Variants in DNER observed in about 807,000 individuals in gnomAD.
DNER encodes delta and Notch-like epidermal growth factor-related receptor.
Under a neutral mutation model 78.2 loss-of-function variants are expected in DNER, and 33 were observed. The ratio of observed to expected loss-of-function variants is 0.42; its 90% CI spans 0.32 to 0.56. The LOEUF (loss-of-function observed/expected upper bound fraction) is 0.56, where lower values mean the gene tolerates loss of function less well. DNER is among the 20% of genes least tolerant of loss of function. The pLI is 0.11. For missense variants in DNER, 918 were observed against 975.3 expected (o/e 0.94, Z 0.78); for synonymous variants, 417 against 384.8 (o/e 1.08, Z -0.98).
intron 1 of DNER, among the ~76,000 whole-genome samples, chr2:229,673,904 G>A (rs893589123): frequency 2.6e-5 from 4 of 152,236 alleles, no homozygotes; most frequent in African/African-American, 9.6e-5. Flanking sequence ...TGCTAGATGG[G>A]TTTGGCCAAC....
chr2:229,606,857 G>A (rs1027804874), intron 1 of DNER, among the ~76,000 whole-genome samples: 1 of 152,068 alleles, frequency 6.6e-6, no homozygotes, highest in Non-Finnish European at 1.5e-5. Flanking sequence ...GGTGCTATTT[G>A]CACTCCATCC....
In DNER at chr2:229,547,105, G is replaced by A. The variant is rs1365210654; in HGVS notation, c.848-13C>T. 1 of 1,613,554 alleles carries A rather than the reference G, an allele frequency of 6.2e-7. No individual in the cohort carries two copies. The highest frequency in any genetic ancestry group is 1.3e-5 in the African/African-American group (1 of 75,036). On this transcript the variant is annotated splice_polypyrimidine_tract_variant and intron_variant, in intron 4 of 12. Coordinates refer to ENST00000341772, the MANE Select transcript of DNER (RefSeq NM_139072.4). ...TCATTCACAAAACCTAAAAGAAAAT[G>A]AGGCAAAAGGAAATTGTCAAGTGTC... is the stretch of plus-strand genomic sequence containing the variant.
intron 8 of DNER, among the ~76,000 whole-genome samples, chr2:229,423,172 C>T (rs868399719): frequency 5.9e-5 from 9 of 152,000 alleles, no homozygotes; most frequent in Non-Finnish European, 5.9e-5. Flanking sequence ...ATTGCAATGC[C>T]CTGGATATTC....
chr2:229,484,372 A>C (rs750888465), intron 6 of DNER, among the ~76,000 whole-genome samples: 3 of 152,204 alleles, frequency 2.0e-5, no homozygotes, highest in African/African-American at 7.2e-5. Context: ...GCAATGAGCA[A>C]CTGTCCTGCT....
chr2:229,446,558 T>C (rs1476312821), intron 8 of DNER, among the ~76,000 whole-genome samples: 3 of 152,142 alleles, frequency 2.0e-5, no homozygotes, highest in Non-Finnish European at 4.4e-5. Flanking sequence ...TTCATTGTGC[T>C]GGGAAGCTTT....
intron 9 of DNER, among the ~76,000 whole-genome samples, chr2:229,408,074 C>T (rs1332902263): frequency 1.3e-5 from 2 of 152,048 alleles, no homozygotes; most frequent in Non-Finnish European, 1.5e-5. Flanking sequence ...CTCTATGGAG[C>T]TCAGCACTCG....
chr2:229,388,714 A>G (rs2106336316), intron 10 of DNER, among the ~76,000 whole-genome samples: 1 of 144,408 alleles, frequency 6.9e-6, no homozygotes, highest in East Asian at 2.0e-4. Context: ...TAGCTAGTTA[A>G]GTGAGGTTGA....
chr2:229,547,280 A>G (rs2154213225), intron 4 of DNER, among the ~76,000 whole-genome samples, 188 bp from the exon 5 acceptor site: 1 of 152,304 alleles, frequency 6.6e-6, no homozygotes, highest in South Asian at 2.1e-4. Context: ...AGACCTCAGG[A>G]CTTTAGGGCA....
chr2:229,675,694 T>C (rs1019823580), intron 1 of DNER, among the ~76,000 whole-genome samples: 7 of 152,170 alleles, frequency 4.6e-5, no homozygotes, highest in Non-Finnish European at 7.3e-5. Context: ...ACCCACAGGC[T>C]CCCGTTCTGG....
intron 8 of DNER, among the ~76,000 whole-genome samples, chr2:229,446,074 G>A (rs1336478369): frequency 6.6e-6 from 1 of 152,174 alleles, no homozygotes; most frequent in Non-Finnish European, 1.5e-5. Flanking sequence ...AGGGACACCG[G>A]CATTCGAATC....
At chr2:229,543,976 A>G (rs936722770) in intron 5 of DNER, among the ~76,000 whole-genome samples, 4 of 152,244 alleles carry the variant, frequency 2.6e-5, no homozygotes, top group Admixed American at 2.6e-4. Flanking sequence ...ATCTCTAATC[A>G]GAAAATTCAC....
At chr2:229,546,838 T>TAGATAGATAGATAGAG (rs1696637813) in intron 5 of DNER, 109 bp downstream of exon 5, 1 of 1,425,616 alleles carries the variant, frequency 7.0e-7, no homozygotes, top group Admixed American at 1.8e-5. Flanking sequence ...GACAGATAGA[T>TAGATAGATAGATAGAG]AGATAGAGCA....
intron 1 of DNER, among the ~76,000 whole-genome samples, chr2:229,644,987 A>C (rs1698689616): frequency 6.6e-6 from 1 of 152,036 alleles, no homozygotes; most frequent in Admixed American, 6.5e-5. Flanking sequence ...ATCCAAGTTG[A>C]AGAAGCCATG....
At chr2:229,448,735 C>T (rs1694392423) in intron 7 of DNER, among the ~76,000 whole-genome samples, 1 of 152,148 alleles carries the variant, frequency 6.6e-6, no homozygotes, top group Non-Finnish European at 1.5e-5. Context: ...TTCCATAAAA[C>T]TATACTTCTT....
chr2:229,410,384 C>T (rs1238698795), intron 9 of DNER, among the ~76,000 whole-genome samples: 2 of 152,178 alleles, frequency 1.3e-5, no homozygotes, highest in Non-Finnish European at 2.9e-5. Flanking sequence ...GACCTAACAC[C>T]GGAATCCTAT....
At chr2:229,711,445 GT>G (rs1574580577) in intron 1 of DNER, among the ~76,000 whole-genome samples, 1 of 152,148 alleles carries the variant, frequency 6.6e-6, no homozygotes, top group East Asian at 1.9e-4. Flanking sequence ...AATCCTAGGA[GT>G]TTCCATGACT....
At chr2:229,705,252 G>C (rs531942639) in intron 1 of DNER, among the ~76,000 whole-genome samples, 6 of 152,126 alleles carry the variant, frequency 3.9e-5, no homozygotes, top group Middle Eastern at 3.2e-3. Flanking sequence ...AATTACAAAT[G>C]CTCCTTTATA....
Position 229,423,900 on chromosome 2 carries a change from T to G in DNER, c.1487-5670A>C, listed in dbSNP as rs149842567. Among the ~76,000 whole-genome samples, 1,316 of 152,348 alleles carry G rather than the reference T, an allele frequency of 8.6e-3. 12 individuals carry two copies. Among genetic ancestry groups the G allele is most frequent in the African/African-American group, 0.03 (1,246 of 41,584 alleles). On this transcript the variant is annotated intron_variant, in intron 8 of 12. Coordinates refer to ENST00000341772, the MANE Select transcript of DNER (RefSeq NM_139072.4). The stretch of plus-strand genomic sequence containing the variant: ...TGATTTCCATCGTAGCATTTGTAAC[T>G]GTCTGAAATCCTATTTTTATCATAG...
intron 8 of DNER, among the ~76,000 whole-genome samples, chr2:229,418,819 G>A (rs546839059): frequency 6.6e-6 from 1 of 152,168 alleles, no homozygotes; most frequent in East Asian, 1.9e-4. Context: ...TACTCAGTAG[G>A]CTGAGGCAGG....
Sources: gnomAD v4.1 joint callset for allele counts (sites outside exome capture counted in the v4.1 genomes callset) on GRCh38, gnomAD v4.1.1 for gene constraint, MANE v1.5 for transcripts, NCBI Gene and HGNC (gene_info 2026-07-23, HGNC 2026-07-21) for gene names.